The following SLC39A11 variants were observed in gnomAD, a reference collection of about 807,000 sequenced individuals.
SLC39A11 encodes solute carrier family 39 member 11, also known as zinc transporter ZIP11.
SLC39A11 carries 33 observed loss-of-function variants against 36.1 expected under a neutral mutation model. The observed-to-expected ratio is 0.91, with a 90% CI of 0.69 to 1.22. SLC39A11 has a LOEUF of 1.22. Among genes scored for constraint, SLC39A11 ranks in the 50% most tolerant of loss-of-function variants. The pLI is 0.00. For synonymous variants in SLC39A11, 166 were observed against 170.3 expected (o/e 0.97, Z 0.20); for missense variants, 432 against 430.3 (o/e 1.00, Z -0.03).
intron 6 of SLC39A11, among the ~76,000 whole-genome samples, chr17:72,802,481 T>C (rs1265141645): frequency 3.3e-5 from 5 of 151,060 alleles, no homozygotes; most frequent in Admixed American, 1.3e-4. Flanking sequence ...TCCCAGCTAC[T>C]TGGGAGGCTG....
intron 6 of SLC39A11, among the ~76,000 whole-genome samples, chr17:72,785,661 G>T (rs1407579991): frequency 2.0e-5 from 3 of 152,222 alleles, no homozygotes; most frequent in African/African-American, 7.2e-5. Context: ...AAGGGCTTTA[G>T]TGGTGGCTTC....
At position 72,910,623 on chromosome 17, in the gene SLC39A11, CAAAAAAAAA is replaced by C. The variant is rs759842114; in HGVS notation, c.430+37120_430+37128del. On this transcript the variant is annotated intron_variant, in intron 5 of 9. Transcript: ENST00000255559. ...TGGGCAACAGAGCAAGACTCCGTCT[CAAAAAAAAA>C]AAAAAAAAAAAAGGCTGGGCACAGT... is the stretch of plus-strand genomic sequence containing the variant. 1.4e-3 allele frequency among the ~76,000 whole-genome samples: 71 copies of C among 50,014 alleles called. 2 individuals carry two copies. In the East Asian group the frequency reaches 0.034, roughly 24 times the overall value. The allele number at this position is 50,014 out of a possible 152,430, so 32.8% of individuals were successfully genotyped here.
intron 4 of SLC39A11, among the ~76,000 whole-genome samples, chr17:72,949,589 G>C (rs1403359086): frequency 2.0e-5 from 3 of 152,012 alleles, no homozygotes; most frequent in Non-Finnish European, 4.4e-5. Flanking sequence ...CTATGGAAGG[G>C]GCAATGGGTC....
chr17:72,881,934 T>C (rs972649984), intron 5 of SLC39A11, among the ~76,000 whole-genome samples: 2 of 152,262 alleles, frequency 1.3e-5, no homozygotes, highest in Non-Finnish European at 2.9e-5. Context: ...CCAGGATTTA[T>C]TGGTCTGTTT....
chr17:72,878,537 C>A (rs1236043058), intron 5 of SLC39A11, among the ~76,000 whole-genome samples: 1 of 152,214 alleles, frequency 6.6e-6, no homozygotes, highest in Non-Finnish European at 1.5e-5. Flanking sequence ...TTTTGGCCAA[C>A]ATCCTTCAGA....
chr17:72,946,453 T>C (rs570064183), intron 5 of SLC39A11, among the ~76,000 whole-genome samples: 1 of 152,298 alleles, frequency 6.6e-6, no homozygotes, highest in Admixed American at 6.5e-5. Flanking sequence ...CTTTTGTACA[T>C]TTGCTCTCCC....
At chr17:72,734,207 C>G (rs1434283407) in intron 7 of SLC39A11, among the ~76,000 whole-genome samples, 1 of 152,172 alleles carries the variant, frequency 6.6e-6, no homozygotes, top group Non-Finnish European at 1.5e-5. Context: ...TGTTCTACAT[C>G]TTGCCACCCA....
chr17:72,851,064 A>G (rs556438583), intron 5 of SLC39A11, among the ~76,000 whole-genome samples: 2 of 152,144 alleles, frequency 1.3e-5, no homozygotes, highest in Admixed American at 6.5e-5. Context: ...TCAGATATAC[A>G]TCAACAAGCA....
intron 3 of SLC39A11, among the ~76,000 whole-genome samples, chr17:73,043,034 T>C (rs2059161130): frequency 6.6e-6 from 1 of 152,076 alleles, no homozygotes; most frequent in Non-Finnish European, 1.5e-5. Context: ...GGCTCTGGAC[T>C]ATAATAAGAG....
At chr17:72,826,038 T>G (rs934070735) in intron 6 of SLC39A11, among the ~76,000 whole-genome samples, 1 of 152,102 alleles carries the variant, frequency 6.6e-6, no homozygotes, top group African/African-American at 2.4e-5. Context: ...GACATGAGAT[T>G]TGGGAGGGGC....
At chr17:72,872,349 A>G (rs2080677580) in intron 5 of SLC39A11, among the ~76,000 whole-genome samples, 1 of 152,178 alleles carries the variant, frequency 6.6e-6, no homozygotes, top group African/African-American at 2.4e-5. Flanking sequence ...GAAGGTCATC[A>G]GGGCCAGATG....
At chr17:72,690,235 G>A (rs893869888) in intron 7 of SLC39A11, among the ~76,000 whole-genome samples, 1 of 152,236 alleles carries the variant, frequency 6.6e-6, no homozygotes, top group Non-Finnish European at 1.5e-5. Flanking sequence ...GAAGGCATGT[G>A]CCTGTGTTGG....
At chr17:72,746,349 T>A (rs1201891861) in intron 6 of SLC39A11, among the ~76,000 whole-genome samples, 1 of 152,160 alleles carries the variant, frequency 6.6e-6, no homozygotes, top group African/African-American at 2.4e-5. Context: ...TCAGGTGTGA[T>A]GGCTGACACC....
chr17:73,079,976 G>T (rs778966240), intron 3 of SLC39A11, among the ~76,000 whole-genome samples: 3 of 152,110 alleles, frequency 2.0e-5, no homozygotes, highest in Non-Finnish European at 4.4e-5. Context: ...CTGCTGAAAA[G>T]AAGTCATAAA....
intron 7 of SLC39A11, among the ~76,000 whole-genome samples, chr17:72,668,649 G>C (rs2070861587): frequency 6.6e-6 from 1 of 152,178 alleles, no homozygotes; most frequent in Non-Finnish European, 1.5e-5. Context: ...ATGAAGGAAG[G>C]AGAAAAGTTG....
intron 5 of SLC39A11, among the ~76,000 whole-genome samples, chr17:72,902,665 T>C (rs1300416054): frequency 6.6e-6 from 1 of 152,222 alleles, no homozygotes; most frequent in Admixed American, 6.5e-5. Flanking sequence ...CAAATATCTA[T>C]AGATAGAATA....
chr17:72,647,700 T>C (rs552346729), intron 9 of SLC39A11, 38 bp from the exon 10 acceptor site: 4 of 1,581,886 alleles, frequency 2.5e-6, no homozygotes, highest in African/African-American at 2.7e-5. Context: ...AAGACCTTAA[T>C]GATCCCTGAG....
intron 3 of SLC39A11, among the ~76,000 whole-genome samples, chr17:73,081,750 T>TATACATATATGTGTATATATATACATAC (rs2060539962): frequency 6.7e-6 from 1 of 150,220 alleles, no homozygotes; most frequent in Non-Finnish European, 1.5e-5. Context: ...TATATACATA[T>TATACATATATGTGTATATATATACATAC]ATGTGTGTGG....
At chr17:72,921,286 C>T (rs962360225) in intron 5 of SLC39A11, among the ~76,000 whole-genome samples, 21 of 152,216 alleles carry the variant, frequency 1.4e-4, no homozygotes, top group South Asian at 6.2e-4. Context: ...AGTGTGACAC[C>T]GAAGGCGAGA....
Sources: gnomAD v4.1 joint callset for allele counts (sites outside exome capture counted in the v4.1 genomes callset) on GRCh38, gnomAD v4.1.1 for gene constraint, MANE v1.5 for transcripts, NCBI Gene and HGNC (gene_info 2026-07-23, HGNC 2026-07-21) for gene names.